Variants in IFT88 observed in about 807,000 individuals in gnomAD.
The protein encoded by IFT88 is intraflagellar transport protein 88 homolog.
Under a neutral mutation model 119.5 loss-of-function variants are expected in IFT88, and 74 were observed. That is an observed-to-expected ratio of 0.62 (90% CI 0.51 to 0.75). The LOEUF (loss-of-function observed/expected upper bound fraction) is 0.75, where lower values mean the gene tolerates loss of function less well. Ranked by LOEUF, IFT88 falls within the 30% of genes least tolerant of loss-of-function variation. IFT88 has a pLI of 0.00. For missense variants in IFT88, 961 were observed against 977.7 expected (o/e 0.98, Z 0.23); for synonymous variants, 279 against 316.7 (o/e 0.88, Z 1.26).
chr13:20,600,903 T>C (rs1224587159), intron 11 of IFT88, among the ~76,000 whole-genome samples: 1 of 152,220 alleles, frequency 6.6e-6, no homozygotes, highest in African/African-American at 2.4e-5. Context: ...ATATGGTATG[T>C]ATTCATACTA....
chr13:20,621,560 CTT>C (rs2046512936), intron 14 of IFT88, among the ~76,000 whole-genome samples: 2 of 127,184 alleles, frequency 1.6e-5, no homozygotes, highest in African/African-American at 3.1e-5. Context: ...AAAAAAAAGA[CTT>C]TTTTAAAAAA....
Position 20,638,534 on chromosome 13 carries a change from G to C in IFT88, c.1573+16G>C. 3 of 1,374,338 alleles carry C rather than the reference G, an allele frequency of 2.2e-6. No individual in the cohort carries two copies. The highest frequency in any genetic ancestry group is 2.9e-6 in the Non-Finnish European group (3 of 1,051,898). 85.1% of individuals were successfully genotyped at this position (1,374,338 alleles called of 1,614,324 possible). Reference sequence around the variant, plus strand: ...TATAATATTGGTAAGTGAAACAAGGGGAAATTGCTTTTTAAATTATTTATT... The same window carrying C: ...TATAATATTGGTAAGTGAAACAAGGCGAAATTGCTTTTTAAATTATTTATT... On this transcript the variant is annotated intron_variant, in intron 17 of 25. Coordinates refer to ENST00000351808, the MANE Select transcript of IFT88 (RefSeq NM_006531.5).
chr13:20,625,702 A>G (rs2047183792), intron 14 of IFT88, 48 bp from the exon 15 acceptor site: 1 of 1,308,940 alleles, frequency 7.6e-7, no homozygotes. Context: ...AACAGCATCA[A>G]TATACTAAAA....
intron 12 of IFT88, among the ~76,000 whole-genome samples, chr13:20,604,123 T>A (rs754146149): frequency 6.6e-6 from 1 of 152,098 alleles, no homozygotes; most frequent in Non-Finnish European, 1.5e-5. Flanking sequence ...ATGTCTGTAG[T>A]CCCACCTACT....
At chr13:20,645,713 C>A (rs1210636498) in intron 20 of IFT88, among the ~76,000 whole-genome samples, 3 of 152,134 alleles carry the variant, frequency 2.0e-5, no homozygotes, top group African/African-American at 7.2e-5. Flanking sequence ...ATATCTGATT[C>A]AAAACAATTC....
At chr13:20,578,548 G>C (rs180922739) in intron 2 of IFT88, among the ~76,000 whole-genome samples, 79 of 151,654 alleles carry the variant, frequency 5.2e-4, no homozygotes, top group African/African-American at 1.8e-3. Flanking sequence ...TTCTGGTTTT[G>C]TTGTAGTTGT....
At chr13:20,595,138 C>T (rs2041413732) in intron 7 of IFT88, among the ~76,000 whole-genome samples, 1 of 152,272 alleles carries the variant, frequency 6.6e-6, no homozygotes, top group South Asian at 2.1e-4. Flanking sequence ...GTGGTGCACG[C>T]CTATAGTGTC....
intron 24 of IFT88, among the ~76,000 whole-genome samples, chr13:20,673,472 T>G (rs2056210945): frequency 6.6e-6 from 1 of 152,210 alleles, no homozygotes; most frequent in Non-Finnish European, 1.5e-5. Context: ...GGAAACAGAT[T>G]GATCAGTGTG....
chr13:20,634,906 T>G (rs2048785741), intron 16 of IFT88, among the ~76,000 whole-genome samples: 2 of 151,546 alleles, frequency 1.3e-5, no homozygotes, highest in African/African-American at 4.8e-5. Context: ...CTGTTAACTC[T>G]TCATTTAACA....
At chr13:20,689,383 C>T (rs780866124) in intron 24 of IFT88, among the ~76,000 whole-genome samples, 1 of 152,132 alleles carries the variant, frequency 6.6e-6, no homozygotes, top group Non-Finnish European at 1.5e-5. Flanking sequence ...AGTGAAATAA[C>T]GTTGTCGTAT....
rs556295896 is a variant in IFT88 at position 20,600,187 on chromosome 13, A to C, written c.812+622A>C. 3.5e-4 allele frequency among the ~76,000 whole-genome samples: 53 copies of C among 152,256 alleles called. No individual in the cohort carries two copies. The South Asian group carries it at 5.8e-3, about 17-fold the overall frequency. The stretch of plus-strand genomic sequence containing the variant: ...GTTTTTGAATTTTACATAATATCTC[A>C]TTATCATTAGCAAATATTATCTAAC... On this transcript the variant is annotated intron_variant, in intron 11 of 25. Transcript: ENST00000351808.
In IFT88 at chr13:20,651,564, G is replaced by T. The variant is rs185738184; in HGVS notation, c.1950-2312G>T. On this transcript the variant is annotated intron_variant, in intron 20 of 25. Transcript: ENST00000351808. The stretch of plus-strand genomic sequence containing the variant: ...CATCAACAATGAATAAACAAAACAT[G>T]GTACAGTAGTCCACCTTTATACAAT... Among the ~76,000 whole-genome samples the T allele has an allele frequency of 2.2e-3, 338 of 151,472 alleles. 2 individuals are homozygous for T. Among genetic ancestry groups the T allele is most frequent in the Admixed American group, 4.1e-3 (62 of 15,218 alleles).
chr13:20,589,112 T>C (rs1413889201), intron 3 of IFT88, among the ~76,000 whole-genome samples: 4 of 152,204 alleles, frequency 2.6e-5, no homozygotes, highest in Non-Finnish European at 5.9e-5. Flanking sequence ...GACCTTGTAA[T>C]TCTTCACTGT....
At chr13:20,684,086 C>A (rs554034755) in intron 24 of IFT88, among the ~76,000 whole-genome samples, 5 of 152,314 alleles carry the variant, frequency 3.3e-5, no homozygotes, top group African/African-American at 9.6e-5. Context: ...GGTTTAAATT[C>A]TTTGAGGAAT....
intron 1 of IFT88, among the ~76,000 whole-genome samples, chr13:20,568,729 TC>T (rs2035511406): frequency 6.6e-6 from 1 of 152,166 alleles, no homozygotes; most frequent in African/African-American, 2.4e-5. Context: ...CCTTTTTTTT[TC>T]TTTTTGAGAC....
At chr13:20,580,757 G>A (rs868069843) in intron 2 of IFT88, among the ~76,000 whole-genome samples, 6 of 132,076 alleles carry the variant, frequency 4.5e-5, no homozygotes, top group African/African-American at 1.2e-4. Context: ...ATGGAGTCTC[G>A]CTCTGTAGCC....
intron 2 of IFT88, among the ~76,000 whole-genome samples, chr13:20,579,206 A>T (rs1450681299): frequency 1.3e-4 from 20 of 152,204 alleles, no homozygotes; most frequent in Admixed American, 1.3e-3. Flanking sequence ...TGGTGAAACC[A>T]GCCAGGCTTG....
chr13:20,610,526 T>G (rs1484252172), intron 13 of IFT88, among the ~76,000 whole-genome samples: 1 of 151,970 alleles, frequency 6.6e-6, no homozygotes, highest in Non-Finnish European at 1.5e-5. Context: ...GACATATCAT[T>G]GAACTCCGAA....
chr13:20,644,196 A>C (rs541244865), intron 19 of IFT88, among the ~76,000 whole-genome samples: 2 of 152,234 alleles, frequency 1.3e-5, no homozygotes, highest in East Asian at 3.9e-4. Flanking sequence ...ACAAGACCCC[A>C]TCTCTACAAA....
Sources: allele counts gnomAD v4.1 joint callset (sites outside exome capture counted in the v4.1 genomes callset), GRCh38; gene constraint gnomAD v4.1.1; transcripts MANE v1.5; gene names NCBI Gene and HGNC (gene_info 2026-07-23, HGNC 2026-07-21).